NCR1: variants seen among roughly 807,000 people sequenced by gnomAD.
The protein encoded by NCR1 is natural cytotoxicity triggering receptor 1, also known as NK cell-activating receptor.
NCR1 carries 30 observed loss-of-function variants against 32.5 expected under a neutral mutation model. The ratio of observed to expected loss-of-function variants is 0.92; its 90% CI spans 0.69 to 1.25. NCR1 has a LOEUF of 1.25. Among genes scored for constraint, NCR1 ranks in the 50% most tolerant of loss-of-function variants. The pLI, the probability that NCR1 is intolerant of heterozygous loss-of-function variation, is 0.00. For synonymous variants in NCR1, 169 were observed against 143.4 expected (o/e 1.18, Z -1.28); for missense variants, 369 against 380.7 (o/e 0.97, Z 0.26).
At position 54,912,928 on chromosome 19, in the gene NCR1, G is replaced by A; in HGVS notation, c.*57G>A. On this transcript the variant is annotated 3_prime_UTR_variant, in exon 7 of 7. Transcript: ENST00000291890. ...GGATCTGAAAGCTGGTGTTGAGCCT[G>A]GGCGGCGTGAGCTCTGTGTTGGACC... 1.3e-6 allele frequency: 2 copies of A among 1,557,064 alleles called. No individual in the cohort carries two copies. Among genetic ancestry groups the A allele is most frequent in the Non-Finnish European group, 1.7e-6 (2 of 1,146,604 alleles).
chr19:54,903,383 TATATAC>T (rs1459681200), upstream of NCR1, among the ~76,000 whole-genome samples: 10 of 142,004 alleles, frequency 7.0e-5, 1 homozygote, highest in Admixed American at 2.1e-4. Context: ...TACATGTATG[TATATAC>T]ATATATGTAT....
chr19:54,925,730 G>A, the NCR1 span, among the ~76,000 whole-genome samples: 5 of 152,166 alleles, frequency 3.3e-5, no homozygotes, highest in Admixed American at 1.3e-4. Context: ...CGGGCGCGGT[G>A]GCTCACGCCT....
chr19:54,912,350 C>T (rs980349747), intron 6 of NCR1, 132 bp downstream of exon 6: 9 of 899,300 alleles, frequency 1.0e-5, no homozygotes, highest in Admixed American at 8.3e-5. Flanking sequence ...TAATCTCAGC[C>T]CTTTGGGAGG....
At chr19:54,903,365 TG>T (rs587775650), upstream of NCR1, among the ~76,000 whole-genome samples, 26 of 128,206 alleles carry the variant, frequency 2.0e-4, 3 homozygotes, top group East Asian at 5.5e-3. Context: ...TATACATACA[TG>T]TATATATACA....
the NCR1 span, chr19:54,934,351 G>A: frequency 1.2e-6 from 1 of 863,838 alleles, no homozygotes. This position sits in a 1 kb window ranked among gnomAD's most constrained non-coding sequence, Gnocchi z 6.7. Context: ...ACAGGCAGGA[G>A]CCACCGTGCC....
the NCR1 span, among the ~76,000 whole-genome samples, chr19:54,900,004 G>C: frequency 1.3e-5 from 2 of 152,166 alleles, no homozygotes; most frequent in Non-Finnish European, 2.9e-5. Flanking sequence ...TAGTGAGAGA[G>C]GTTGGAGAAG....
chr19:54,910,920 A>G (rs2067938008), intron 5 of NCR1, among the ~76,000 whole-genome samples: 1 of 152,198 alleles, frequency 6.6e-6, no homozygotes, highest in East Asian at 1.9e-4. Flanking sequence ...TCTGGAGAGA[A>G]TGAAATGGCA....
At chr19:54,913,347 C>T (rs2068065694), downstream of NCR1, among the ~76,000 whole-genome samples, 1 of 152,188 alleles carries the variant, frequency 6.6e-6, no homozygotes, top group Non-Finnish European at 1.5e-5. Context: ...AGCCGCTGCG[C>T]CCAGCCACTG....
chr19:54,914,250 G>A (rs775831), downstream of NCR1, among the ~76,000 whole-genome samples: 5,031 of 135,186 alleles, frequency 0.037, 277 homozygotes, highest in African/African-American at 0.13. Flanking sequence ...TAGGGTACAT[G>A]TGCACAACGT....
the NCR1 span, among the ~76,000 whole-genome samples, chr19:54,901,122 T>A: frequency 2.3e-4 from 2 of 8,654 alleles, no homozygotes; most frequent in African/African-American, 8.4e-4. Context: ...ATCTCTACTT[T>A]GAAAAAAAAA....
upstream of NCR1, among the ~76,000 whole-genome samples, chr19:54,901,198 G>A (rs1038514164): frequency 3.3e-5 from 5 of 150,820 alleles, no homozygotes; most frequent in Admixed American, 1.3e-4. Flanking sequence ...GCTGAGGCAG[G>A]AGAATGGCAT....
chr19:54,934,178 T>A, the NCR1 span, among the ~76,000 whole-genome samples: 30 of 152,180 alleles, frequency 2.0e-4, no homozygotes, highest in Non-Finnish European at 3.1e-4. This position sits in a 1 kb window ranked among gnomAD's most constrained non-coding sequence, Gnocchi z 6.7. Context: ...CTTGACCTCG[T>A]GATCTCCCCG....
upstream of NCR1, among the ~76,000 whole-genome samples, chr19:54,903,429 T>C (rs1279468027): frequency 1.5e-5 from 2 of 134,762 alleles, no homozygotes; most frequent in Admixed American, 8.3e-5. Flanking sequence ...CATGTATGTA[T>C]ACACGCATAC....
the NCR1 span, among the ~76,000 whole-genome samples, chr19:54,931,458 G>A: frequency 6.6e-6 from 1 of 152,102 alleles, no homozygotes; most frequent in Non-Finnish European, 1.5e-5. Context: ...GGGAGGCTGA[G>A]GCAGACAGAT....
the NCR1 span, among the ~76,000 whole-genome samples, chr19:54,934,143 A>G: frequency 2.0e-5 from 3 of 152,190 alleles, no homozygotes; most frequent in Admixed American, 2.0e-4. The surrounding 1 kb of genome is among the most constrained non-coding windows in gnomAD (Gnocchi z 6.7). Flanking sequence ...GGGTTTCACC[A>G]TGTTAGCCAG....
chr19:54,904,367 G>C (rs1242887780), upstream of NCR1, among the ~76,000 whole-genome samples: 1 of 151,788 alleles, frequency 6.6e-6, no homozygotes, highest in Non-Finnish European at 1.5e-5. Context: ...TTTAGATTCA[G>C]CAGATACATG....
the NCR1 span, among the ~76,000 whole-genome samples, chr19:54,921,747 G>A: frequency 2.1e-5 from 3 of 140,396 alleles, no homozygotes; most frequent in African/African-American, 8.1e-5. Context: ...ACTCCAGCCT[G>A]GGCGACAGAG....
chr19:54,912,345 T>G, intron 6 of NCR1, 127 bp downstream of exon 6: 4 of 938,848 alleles, frequency 4.3e-6, no homozygotes, highest in Non-Finnish European at 6.7e-6. Context: ...ACCTGTAATC[T>G]CAGCCCTTTG....
chr19:54,910,712 C>T (rs150144438), intron 5 of NCR1, among the ~76,000 whole-genome samples: 33 of 152,272 alleles, frequency 2.2e-4, no homozygotes, highest in African/African-American at 6.3e-4. Flanking sequence ...GACACACCAT[C>T]GGTCAACGTC....
Sources: allele counts gnomAD v4.1 joint callset (sites outside exome capture counted in the v4.1 genomes callset), GRCh38; gene constraint gnomAD v4.1.1; non-coding constraint Gnocchi (gnomAD v3.1); transcripts MANE v1.5; gene names NCBI Gene and HGNC (gene_info 2026-07-23, HGNC 2026-07-21).